Variants in CDKL3 observed in about 807,000 individuals in gnomAD.
CDKL3 encodes cyclin dependent kinase like 3, also known as cyclin-dependent kinase-like 3.
A neutral mutation model predicts 69.3 loss-of-function variants in CDKL3; 65 were observed. The observed-to-expected ratio is 0.94, with a 90% CI of 0.77 to 1.15. The LOEUF is 1.15. CDKL3 is among the 50% of genes most tolerant of loss of function. CDKL3 has a pLI of 0.00. For missense variants in CDKL3, 652 were observed against 689.2 expected (o/e 0.95, Z 0.61); for synonymous variants, 202 against 221.6 (o/e 0.91, Z 0.79).
chr5:134,317,265 A>G (rs1771354479), intron 6 of CDKL3, among the ~76,000 whole-genome samples: 1 of 151,960 alleles, frequency 6.6e-6, no homozygotes, highest in Admixed American at 6.6e-5. Context: ...CCTCCCAAGT[A>G]GCTGGGACTA....
chr5:134,339,358 G>A (rs1749869147), intron 4 of CDKL3, among the ~76,000 whole-genome samples: 1 of 151,998 alleles, frequency 6.6e-6, no homozygotes, highest in African/African-American at 2.4e-5. Context: ...GATATATCAT[G>A]CAATCAACAA....
At chr5:134,339,688 GTA>G (rs1224379743) in intron 4 of CDKL3, among the ~76,000 whole-genome samples, 1 of 152,010 alleles carries the variant, frequency 6.6e-6, no homozygotes, top group Admixed American at 6.5e-5. Flanking sequence ...ATAAACCTCA[GTA>G]AATTTAAAAG....
intron 11 of CDKL3, among the ~76,000 whole-genome samples, chr5:134,303,670 C>T (rs963503207): frequency 9.5e-6 from 1 of 105,006 alleles, no homozygotes; most frequent in Admixed American, 1.0e-4. Context: ...ATGGTGGAAC[C>T]CCCCCCCCGT....
downstream of CDKL3, among the ~76,000 whole-genome samples, chr5:134,284,498 G>A (rs1488487499): frequency 2.0e-5 from 3 of 152,142 alleles, no homozygotes; most frequent in Non-Finnish European, 4.4e-5. Context: ...ATGTCCTGCT[G>A]GGCACACAGT....
intron 12 of CDKL3, 123 bp from the exon 13 acceptor site, chr5:134,298,833 G>T (rs1347507381): frequency 5.3e-6 from 7 of 1,330,198 alleles, no homozygotes; most frequent in Non-Finnish European, 6.2e-6. Flanking sequence ...TGCTAGTCAA[G>T]CCAAAAGATT....
rs111766415 is a variant in CDKL3 at position 134,343,676 on chromosome 5, C to T, written c.539+6573G>A. 5.0e-3 allele frequency among the ~76,000 whole-genome samples: 754 copies of T among 152,264 alleles called. 2 individuals carry two copies. The highest frequency in any genetic ancestry group is 0.017 in the African/African-American group (722 of 41,542). ...GGATCAGCTGGCACCACCCATATTG[C>T]TAAACTGGCTTATCTGATCTCATGG... On this transcript the variant is annotated intron_variant, in intron 4 of 12. Transcript: ENST00000265334.
chr5:134,346,748 G>A (rs1448113501), intron 4 of CDKL3, among the ~76,000 whole-genome samples: 3 of 152,018 alleles, frequency 2.0e-5, no homozygotes, highest in Admixed American at 6.6e-5. Flanking sequence ...CGCCCACCTC[G>A]GCCTCCCAAA....
At chr5:134,351,849 A>G (rs1753385835) in intron 3 of CDKL3, among the ~76,000 whole-genome samples, 1 of 152,208 alleles carries the variant, frequency 6.6e-6, no homozygotes, top group Non-Finnish European at 1.5e-5. Context: ...TATACATTGT[A>G]AAATTAGTTA....
chr5:134,287,790 A>C (rs1188302886), intron 8 of CDKL3, among the ~76,000 whole-genome samples: 1 of 152,194 alleles, frequency 6.6e-6, no homozygotes, highest in East Asian at 1.9e-4. Context: ...CTCCTCAAAA[A>C]GAGCCCTCAT....
intron 3 of CDKL3, among the ~76,000 whole-genome samples, chr5:134,359,131 G>A (rs1374069449): frequency 6.6e-6 from 1 of 151,860 alleles, no homozygotes; most frequent in Non-Finnish European, 1.5e-5. Context: ...ACAAAATATT[G>A]GCCAGGTGTG....
chr5:134,325,081 G>A (rs1348659822), intron 4 of CDKL3, among the ~76,000 whole-genome samples: 2 of 152,212 alleles, frequency 1.3e-5, no homozygotes, highest in Admixed American at 1.3e-4. Context: ...TGGAGGCTGA[G>A]GCAGGAGGAT....
At chr5:134,301,528 TTAA>T (rs1766329858) in intron 12 of CDKL3, among the ~76,000 whole-genome samples, 1 of 152,184 alleles carries the variant, frequency 6.6e-6, no homozygotes, top group South Asian at 2.1e-4. Flanking sequence ...TCAAATTTTC[TTAA>T]TAAGTATTTA....
At chr5:134,311,611 A>G (rs1769539883) in intron 7 of CDKL3, among the ~76,000 whole-genome samples, 1 of 152,154 alleles carries the variant, frequency 6.6e-6, no homozygotes, top group Non-Finnish European at 1.5e-5. Flanking sequence ...AAGAGGAAAA[A>G]CCAGACTATT....
chr5:134,328,415 A>T (rs1297085405), intron 4 of CDKL3, among the ~76,000 whole-genome samples: 1 of 152,224 alleles, frequency 6.6e-6, no homozygotes, highest in Non-Finnish European at 1.5e-5. Flanking sequence ...TCACGAGAGG[A>T]AATCAACAGT....
chr5:134,351,633 A>T (rs1055863200), intron 3 of CDKL3, among the ~76,000 whole-genome samples: 17 of 151,938 alleles, frequency 1.1e-4, no homozygotes, highest in South Asian at 4.2e-4. Context: ...TAATTAAAAA[A>T]TTTTTTTTGT....
At chr5:134,324,537 T>C (rs111488076) in intron 4 of CDKL3, among the ~76,000 whole-genome samples, 2,205 of 151,676 alleles carry the variant, frequency 0.015, 41 homozygotes, top group African/African-American at 0.048. Context: ...GCTGTCAAGA[T>C]ACCAAAAAAA....
chr5:134,345,897 A>G (rs899303077), intron 4 of CDKL3, among the ~76,000 whole-genome samples: 27 of 152,240 alleles, frequency 1.8e-4, no homozygotes, highest in African/African-American at 6.3e-4. Flanking sequence ...AATAATAACA[A>G]TTGTGTCCAG....
downstream of CDKL3, among the ~76,000 whole-genome samples, chr5:134,293,804 A>T (rs1765230597): frequency 6.6e-6 from 1 of 151,938 alleles, no homozygotes; most frequent in Admixed American, 6.6e-5. Flanking sequence ...TGTCTCTACA[A>T]AAAAAAATTT....
At chr5:134,285,956 C>A (rs925848404), downstream of CDKL3, among the ~76,000 whole-genome samples, 8 of 152,020 alleles carry the variant, frequency 5.3e-5, no homozygotes, top group Admixed American at 2.0e-4. Flanking sequence ...ACCCCGTCTC[C>A]ACTAAAAATA....
Sources: allele counts gnomAD v4.1 joint callset (sites outside exome capture counted in the v4.1 genomes callset), GRCh38; gene constraint gnomAD v4.1.1; transcripts MANE v1.5; gene names NCBI Gene and HGNC (gene_info 2026-07-23, HGNC 2026-07-21).